The following RPH3A variants were observed in gnomAD, a reference collection of about 807,000 sequenced individuals.
RPH3A encodes rabphilin 3A, also known as rabphilin-3A.
A neutral mutation model predicts 102.2 loss-of-function variants in RPH3A; 48 were observed. That is an observed-to-expected ratio of 0.47 (90% CI 0.37 to 0.60). RPH3A has a LOEUF of 0.60. RPH3A is among the 20% of genes least tolerant of loss of function. RPH3A has a pLI of 0.00. For missense variants in RPH3A, 781 were observed against 910.1 expected (o/e 0.86, Z 1.83); for synonymous variants, 310 against 324.3 (o/e 0.96, Z 0.47).
intron 1 of RPH3A, among the ~76,000 whole-genome samples, chr12:112,685,644 C>A (rs1019419199): frequency 1.3e-5 from 2 of 152,150 alleles, no homozygotes; most frequent in Non-Finnish European, 2.9e-5. Context: ...TAGGACATGT[C>A]CATCAGTTTT....
At chr12:112,745,485 C>T (rs1270416043) in intron 1 of RPH3A, among the ~76,000 whole-genome samples, 3 of 152,156 alleles carry the variant, frequency 2.0e-5, no homozygotes. Context: ...TGGCTTAGAG[C>T]TTCTCTTCTT....
rs1169950682 is a variant in RPH3A, at chr12:112,897,030, G to C, written c.*250G>C. ...GATGGAGCAATGGGGATGGGGTTGG[G>C]GAGACGTTTACAAAGAGGTTGATCA... On this transcript the variant is annotated 3_prime_UTR_variant, in exon 22 of 22. Coordinates refer to ENST00000389385, the MANE Select transcript of RPH3A (RefSeq NM_001143854.2). 4 of 462,618 alleles carry C rather than the reference G, an allele frequency of 8.6e-6. No homozygotes were observed. Among genetic ancestry groups the C allele is most frequent in the Non-Finnish European group, 1.6e-5 (4 of 254,668 alleles). The allele number at this position is 462,618 out of a possible 1,614,324, so 28.7% of individuals were successfully genotyped here.
chr12:112,875,610 G>GA, intron 11 of RPH3A, 69 bp from the exon 12 acceptor site: 2 of 1,381,242 alleles, frequency 1.4e-6, no homozygotes, highest in East Asian at 4.6e-5. Flanking sequence ...AAATGAAAAG[G>GA]AAAAGGTGAA....
chr12:112,768,596 A>T (rs1288214151), intron 1 of RPH3A, among the ~76,000 whole-genome samples: 2 of 152,126 alleles, frequency 1.3e-5, no homozygotes, highest in Non-Finnish European at 2.9e-5. Context: ...TCTCATTGAG[A>T]CTTTCCCTGA....
At chr12:112,844,049 T>G (rs2042191165) in intron 4 of RPH3A, among the ~76,000 whole-genome samples, 1 of 152,154 alleles carries the variant, frequency 6.6e-6, no homozygotes, top group Admixed American at 6.5e-5. Flanking sequence ...ACAGGAGGCA[T>G]TCAAGCAAGG....
chr12:112,642,540 T>C (rs767153805), intron 1 of RPH3A, among the ~76,000 whole-genome samples: 26 of 152,316 alleles, frequency 1.7e-4, no homozygotes, highest in Non-Finnish European at 3.1e-4. Context: ...GGCAATTCTA[T>C]ACAATCAGTA....
chr12:112,635,720 T>C (rs959149243), intron 1 of RPH3A, among the ~76,000 whole-genome samples: 4 of 152,110 alleles, frequency 2.6e-5, no homozygotes, highest in African/African-American at 7.2e-5. Context: ...GGGGAGTAAA[T>C]GTAAGGAGGA....
intron 1 of RPH3A, among the ~76,000 whole-genome samples, chr12:112,706,644 G>A (rs963755813): frequency 1.3e-5 from 2 of 152,160 alleles, no homozygotes; most frequent in Admixed American, 6.5e-5. Context: ...GATGGTGGAT[G>A]GGTGGTCCTG....
chr12:112,828,287 T>C lies in RPH3A; in HGVS notation c.-18-14T>C. ...ATGATGGGGTGATGTCCTCTCTGGATTGATGTTTTCCAGGAGCACTAGACA... is the reference window on the plus strand; with the variant it reads ...ATGATGGGGTGATGTCCTCTCTGGACTGATGTTTTCCAGGAGCACTAGACA... On this transcript the variant is annotated splice_polypyrimidine_tract_variant and intron_variant, in intron 2 of 21. Coordinates refer to ENST00000389385, the MANE Select transcript of RPH3A (RefSeq NM_001143854.2). 6.3e-7 allele frequency: 1 copy of C among 1,583,330 alleles called. No individual in the cohort carries two copies. Among genetic ancestry groups the C allele is most frequent in the Non-Finnish European group, 8.7e-7 (1 of 1,153,358 alleles).
chr12:112,677,704 G>A (rs1363705740), intron 1 of RPH3A, among the ~76,000 whole-genome samples: 1 of 151,908 alleles, frequency 6.6e-6, no homozygotes, highest in East Asian at 1.9e-4. Context: ...CCACCTCACA[G>A]AATCCTGGCT....
chr12:112,871,409 C>G (rs2042705775), intron 10 of RPH3A, among the ~76,000 whole-genome samples: 1 of 152,180 alleles, frequency 6.6e-6, no homozygotes, highest in Non-Finnish European at 1.5e-5. Context: ...GTGGTTTTGA[C>G]TACTCTAGGT....
At chr12:112,810,626 T>G (rs1879132112) in intron 2 of RPH3A, among the ~76,000 whole-genome samples, 1 of 152,240 alleles carries the variant, frequency 6.6e-6, no homozygotes, top group South Asian at 2.1e-4. Context: ...GTACCGTTAG[T>G]TTCTTGTGGG....
At chr12:112,660,748 G>A (rs988441251) in intron 1 of RPH3A, among the ~76,000 whole-genome samples, 1 of 152,164 alleles carries the variant, frequency 6.6e-6, no homozygotes, top group African/African-American at 2.4e-5. Context: ...TGGAAAAACT[G>A]AGGTCCAGGA....
At chr12:112,780,071 C>T (rs1314149106) in intron 1 of RPH3A, among the ~76,000 whole-genome samples, 1 of 152,160 alleles carries the variant, frequency 6.6e-6, no homozygotes, top group African/African-American at 2.4e-5. Flanking sequence ...CTGAGGTCTT[C>T]AGTGAAAATG....
intron 1 of RPH3A, among the ~76,000 whole-genome samples, chr12:112,762,077 C>G (rs958981024): frequency 1.3e-5 from 2 of 152,168 alleles, no homozygotes; most frequent in Non-Finnish European, 2.9e-5. Flanking sequence ...TGGAAAGTAT[C>G]TATGCAAACA....
chr12:112,651,097 T>A (rs112473321), intron 1 of RPH3A, among the ~76,000 whole-genome samples: 1,986 of 151,950 alleles, frequency 0.013, 57 homozygotes, highest in African/African-American at 0.046. Context: ...TGGTGACTCA[T>A]GTCTGTAATC....
chr12:112,727,142 T>G (rs1197973037), intron 1 of RPH3A, among the ~76,000 whole-genome samples: 9 of 152,110 alleles, frequency 5.9e-5, no homozygotes, highest in Non-Finnish European at 1.2e-4. Context: ...ATCTTCACTC[T>G]TGGCTCCCTG....
At chr12:112,831,498 G>A (rs1379167125) in intron 3 of RPH3A, among the ~76,000 whole-genome samples, 6 of 151,528 alleles carry the variant, frequency 4.0e-5, no homozygotes, top group African/African-American at 1.5e-4. Flanking sequence ...CTCTTCTCTA[G>A]TATCTTAGTT....
intron 5 of RPH3A, among the ~76,000 whole-genome samples, chr12:112,863,084 C>A (rs1201968111): frequency 6.6e-6 from 1 of 150,674 alleles, no homozygotes; most frequent in Non-Finnish European, 1.5e-5. Flanking sequence ...GTGACCCCCC[C>A]AAAAAAAAAC....
Sources: gnomAD v4.1 joint callset for allele counts (sites outside exome capture counted in the v4.1 genomes callset) on GRCh38, gnomAD v4.1.1 for gene constraint, MANE v1.5 for transcripts, NCBI Gene and HGNC (gene_info 2026-07-23, HGNC 2026-07-21) for gene names.